Variants in HS3ST4 observed in about 807,000 individuals in gnomAD.
HS3ST4 encodes the protein heparan sulfate-glucosamine 3-sulfotransferase 4, also known as heparan sulfate glucosamine 3-O-sulfotransferase 4.
In HS3ST4, 17 loss-of-function variants were observed where a neutral mutation model predicts 29.2. The observed-to-expected ratio is 0.58, with a 90% CI of 0.40 to 0.87. The LOEUF (loss-of-function observed/expected upper bound fraction) is 0.87, where lower values mean the gene tolerates loss of function less well. Among genes scored for constraint, HS3ST4 ranks in the 40% least tolerant of loss-of-function variants. The pLI is 0.00. For synonymous variants in HS3ST4, 314 were observed against 285.7 expected (o/e 1.10, Z -1.00); for missense variants, 627 against 634.5 (o/e 0.99, Z 0.13).
At chr16:25,725,408 G>A (rs1241400161) in intron 1 of HS3ST4, among the ~76,000 whole-genome samples, 1 of 152,048 alleles carries the variant, frequency 6.6e-6, no homozygotes, top group Non-Finnish European at 1.5e-5. Flanking sequence ...AATACCAAAA[G>A]TACATAGAGA....
At chr16:26,035,329 G>A (rs1338292823) in intron 1 of HS3ST4, among the ~76,000 whole-genome samples, 1 of 152,074 alleles carries the variant, frequency 6.6e-6, no homozygotes, top group South Asian at 2.1e-4. Flanking sequence ...TCTACTCATG[G>A]ACTGGCAAAT....
intron 1 of HS3ST4, among the ~76,000 whole-genome samples, chr16:26,054,299 A>AGAG (rs397962355): frequency 7.1e-5 from 10 of 141,698 alleles, no homozygotes; most frequent in Non-Finnish European, 1.2e-4. Context: ...AGAGAGAGAG[A>AGAG]AGGAGGAGGA....
chr16:25,699,583 T>C (rs1050543074), intron 1 of HS3ST4, among the ~76,000 whole-genome samples: 9 of 152,238 alleles, frequency 5.9e-5, no homozygotes, highest in African/African-American at 2.2e-4. Flanking sequence ...CTAGTTTTAT[T>C]GGACAACAGG....
At chr16:25,829,061 T>G (rs956984550) in intron 1 of HS3ST4, among the ~76,000 whole-genome samples, 3 of 152,208 alleles carry the variant, frequency 2.0e-5, no homozygotes, top group African/African-American at 7.2e-5. Flanking sequence ...AATCACGTTA[T>G]CTTTATTACT....
chr16:25,751,963 T>G (rs540336091), intron 1 of HS3ST4, among the ~76,000 whole-genome samples: 1 of 151,880 alleles, frequency 6.6e-6, no homozygotes, highest in Admixed American at 6.6e-5. Flanking sequence ...CTGTGACTAG[T>G]AAGTTTTAAA....
At chr16:26,080,431 T>C (rs1898711853) in intron 1 of HS3ST4, among the ~76,000 whole-genome samples, 1 of 152,130 alleles carries the variant, frequency 6.6e-6, no homozygotes, top group African/African-American at 2.4e-5. Context: ...GACTTAAATT[T>C]GTTTCCCCTG....
intron 1 of HS3ST4, among the ~76,000 whole-genome samples, chr16:25,856,573 T>G (rs972076104): frequency 6.6e-6 from 1 of 152,176 alleles, no homozygotes; most frequent in African/African-American, 2.4e-5. Flanking sequence ...TTTGACTTCC[T>G]GGGCCACAAT....
chr16:26,052,089 A>G (rs558490448), intron 1 of HS3ST4, among the ~76,000 whole-genome samples: 18 of 152,220 alleles, frequency 1.2e-4, no homozygotes, highest in Middle Eastern at 3.4e-3. Context: ...ACCTACATTG[A>G]CTATAGATCA....
intron 1 of HS3ST4, among the ~76,000 whole-genome samples, chr16:25,858,667 A>T (rs890578918): frequency 6.6e-6 from 1 of 152,078 alleles, no homozygotes; most frequent in Non-Finnish European, 1.5e-5. Context: ...AGCATTTCCA[A>T]TATTTTCAAT....
At chr16:25,800,623 T>G (rs1325256414) in intron 1 of HS3ST4, among the ~76,000 whole-genome samples, 1 of 152,156 alleles carries the variant, frequency 6.6e-6, no homozygotes, top group African/African-American at 2.4e-5. Context: ...TGGCAGTGGT[T>G]CTCAGAGTTA....
chr16:26,109,606 C>T (rs1413394743), intron 1 of HS3ST4, among the ~76,000 whole-genome samples: 1 of 152,124 alleles, frequency 6.6e-6, no homozygotes, highest in Admixed American at 6.5e-5. Flanking sequence ...TCTATGAGAT[C>T]AACACAGCCT....
At chr16:25,876,100 C>T (rs565632065) in intron 1 of HS3ST4, among the ~76,000 whole-genome samples, 1 of 152,144 alleles carries the variant, frequency 6.6e-6, no homozygotes. Flanking sequence ...TCCAGTGAGA[C>T]CTCCACCAGT....
At chr16:25,718,369 A>G (rs1966471833) in intron 1 of HS3ST4, among the ~76,000 whole-genome samples, 1 of 152,136 alleles carries the variant, frequency 6.6e-6, no homozygotes, top group African/African-American at 2.4e-5. Context: ...GGAAGTGAAA[A>G]TGAACGGGAC....
intron 1 of HS3ST4, among the ~76,000 whole-genome samples, chr16:25,922,770 A>G (rs1234544946): frequency 6.6e-6 from 1 of 152,256 alleles, no homozygotes; most frequent in African/African-American, 2.4e-5. Context: ...GGATGCACCC[A>G]AACCTACTGA....
At chr16:25,890,841 A>G (rs1968000245) in intron 1 of HS3ST4, among the ~76,000 whole-genome samples, 1 of 152,136 alleles carries the variant, frequency 6.6e-6, no homozygotes, top group Admixed American at 6.5e-5. Flanking sequence ...AGTTACTACT[A>G]TTTTGTTTTA....
chr16:26,029,644 C>G (rs1969514658), intron 1 of HS3ST4, among the ~76,000 whole-genome samples: 1 of 152,146 alleles, frequency 6.6e-6, no homozygotes, highest in South Asian at 2.1e-4. Context: ...AACTCTTGAC[C>G]TTTTGATCCA....
rs150109017 is a variant in HS3ST4 at position 25,770,542 on chromosome 16, AAC to A, written c.734+77394_734+77395del. 8.3e-3 allele frequency among the ~76,000 whole-genome samples: 1,263 copies of A among 152,288 alleles called. 18 individuals are homozygous for A. Among genetic ancestry groups the A allele is most frequent in the African/African-American group, 0.029 (1,209 of 41,544 alleles). On this transcript the variant is annotated intron_variant, in intron 1 of 1. Coordinates refer to ENST00000331351, the MANE Select transcript of HS3ST4 (RefSeq NM_006040.3). ...GAGCTCAGCTCACTCTTTTAAGCCT[AAC>A]ACGCTCTACAATGGCTGAGGGGTGC...
chr16:25,925,565 C>A (rs542835386), intron 1 of HS3ST4, among the ~76,000 whole-genome samples: 1 of 152,238 alleles, frequency 6.6e-6, no homozygotes, highest in East Asian at 1.9e-4. Context: ...CCTCTTGTGT[C>A]GTCTCAGCAA....
chr16:26,106,135 C>G (rs1441062587), intron 1 of HS3ST4, among the ~76,000 whole-genome samples: 1 of 152,192 alleles, frequency 6.6e-6, no homozygotes, highest in Non-Finnish European at 1.5e-5. Flanking sequence ...AATTTCCTAC[C>G]TCTTCCAAGC....
Sources: gnomAD v4.1 joint callset for allele counts (sites outside exome capture counted in the v4.1 genomes callset) on GRCh38, gnomAD v4.1.1 for gene constraint, MANE v1.5 for transcripts, NCBI Gene and HGNC (gene_info 2026-07-23, HGNC 2026-07-21) for gene names.